The following PIK3C2G variants were observed in gnomAD, a reference collection of about 807,000 sequenced individuals.
PIK3C2G encodes the protein phosphatidylinositol-4-phosphate 3-kinase catalytic subunit type 2 gamma, also known as phosphatidylinositol 3-kinase C2 domain-containing subunit gamma.
In PIK3C2G, 168 loss-of-function variants were observed where a neutral mutation model predicts 181.1. That is an observed-to-expected ratio of 0.93 (90% confidence interval 0.82 to 1.05). The LOEUF is 1.05. Among genes scored for constraint, PIK3C2G ranks in the 50% least tolerant of loss-of-function variants. The pLI is 0.00. For synonymous variants in PIK3C2G, 573 were observed against 592.2 expected (o/e 0.97, Z 0.47); for missense variants, 1,869 against 1,732.8 (o/e 1.08, Z -1.40).
intron 1 of PIK3C2G, among the ~76,000 whole-genome samples, chr12:18,273,070 AG>A (rs1948813815): frequency 6.6e-6 from 1 of 152,120 alleles, no homozygotes; most frequent in Non-Finnish European, 1.5e-5. Context: ...AGAAAGAGAG[AG>A]ATGCTGGGGA....
the PIK3C2G span, chr12:18,683,290 A>G: frequency 6.2e-7 from 1 of 1,612,600 alleles, no homozygotes; most frequent in Non-Finnish European, 8.5e-7. Context: ...CAAGGCTCTC[A>G]CCCATTCTGG....
At chr12:18,580,161 A>T (rs1946426902) in intron 29 of PIK3C2G, among the ~76,000 whole-genome samples, 1 of 151,886 alleles carries the variant, frequency 6.6e-6, no homozygotes, top group Admixed American at 6.6e-5. Context: ...AGAGAGAGTA[A>T]TAGAAACATG....
intron 5 of PIK3C2G, among the ~76,000 whole-genome samples, chr12:18,303,100 C>CTCTTTCTTTCCT (rs1950247491): frequency 4.0e-5 from 3 of 75,068 alleles, no homozygotes; most frequent in Non-Finnish European, 7.6e-5. Flanking sequence ...TCTTTTCTTT[C>CTCTTTCTTTCCT]TCTTTCTTTC....
At chr12:18,556,711 C>T (rs907999706) in intron 26 of PIK3C2G, among the ~76,000 whole-genome samples, 25 of 152,042 alleles carry the variant, frequency 1.6e-4, no homozygotes, top group Admixed American at 1.3e-3. Flanking sequence ...TGCTATTATC[C>T]TCATGTCTTT....
At chr12:18,702,844 G>A in the PIK3C2G span, among the ~76,000 whole-genome samples, 25 of 114,062 alleles carry the variant, frequency 2.2e-4, no homozygotes, top group Admixed American at 6.5e-4. Context: ...TTTTTGAGAC[G>A]GAGTCTCACT....
intron 31 of PIK3C2G, among the ~76,000 whole-genome samples, chr12:18,619,994 G>A (rs1456160411): frequency 6.6e-6 from 1 of 152,066 alleles, no homozygotes; most frequent in Non-Finnish European, 1.5e-5. Context: ...AAAGTGCTGG[G>A]ATTACAGGCA....
intron 29 of PIK3C2G, among the ~76,000 whole-genome samples, chr12:18,573,585 T>G (rs1946083706): frequency 1.3e-5 from 2 of 152,182 alleles, no homozygotes; most frequent in Non-Finnish European, 2.9e-5. Flanking sequence ...TTTTTCATTA[T>G]CTTGTTGGCT....
intron 31 of PIK3C2G, among the ~76,000 whole-genome samples, chr12:18,620,812 G>A (rs1426933773): frequency 6.6e-6 from 1 of 151,836 alleles, no homozygotes; most frequent in African/African-American, 2.4e-5. Context: ...CTTAATCCTG[G>A]TTATTTAATC....
intron 11 of PIK3C2G, chr12:18,358,719 C>A: frequency 2.2e-6 from 1 of 448,564 alleles, no homozygotes; most frequent in East Asian, 5.7e-5. Flanking sequence ...GAGCTTCAGC[C>A]TTGATTCTCA....
chr12:18,250,889 C>T (rs375747570), intron 1 of PIK3C2G, among the ~76,000 whole-genome samples: 6 of 151,880 alleles, frequency 4.0e-5, no homozygotes, highest in East Asian at 1.9e-4. Flanking sequence ...TCAAAATATA[C>T]GTAAAATCAG....
At chr12:18,268,699 T>C (rs997071759) in intron 1 of PIK3C2G, among the ~76,000 whole-genome samples, 2 of 152,196 alleles carry the variant, frequency 1.3e-5, no homozygotes, top group Non-Finnish European at 2.9e-5. Flanking sequence ...AAACAGTGCG[T>C]ATTAGCCATA....
rs527352115 is a variant in PIK3C2G at position 18,343,343 on chromosome 12, C to T, written c.1412C>T (p.Ser471Leu). Reference sequence around the variant, plus strand: ...TTTTTTCAGAATTTTTATCAAAGTTCAGAGACTTCAGCAAAAGGTAAAACA... The same window carrying T: ...TTTTTTCAGAATTTTTATCAAAGTTTAGAGACTTCAGCAAAAGGTAAAACA... ...QRKGENFYQS[S>L]ETSAKGLIEK... The change falls in exon 10 of 33, where the codon TCA becomes TTA. Residue 471 changes from serine to leucine, a missense_variant. Transcript: ENST00000538779. 7.3e-7 allele frequency: 1 copy of T among 1,365,174 alleles called. No individual in the cohort carries two copies. The highest frequency in any genetic ancestry group is 1.5e-5 in the African/African-American group (1 of 68,526). The allele number at this position is 1,365,174 out of a possible 1,614,324, so 84.6% of individuals were successfully genotyped here.
At chr12:18,588,862 T>C (rs1592656925) in intron 29 of PIK3C2G, among the ~76,000 whole-genome samples, 1 of 151,924 alleles carries the variant, frequency 6.6e-6, no homozygotes, top group Non-Finnish European at 1.5e-5. Flanking sequence ...CAATGGCAGG[T>C]TGGATGAAGA....
chr12:18,658,225 A>G, the PIK3C2G span, among the ~76,000 whole-genome samples: 1 of 152,158 alleles, frequency 6.6e-6, no homozygotes, highest in Non-Finnish European at 1.5e-5. Context: ...TAACATTTGC[A>G]TATTAGGCAT....
At chr12:18,285,893 C>T (rs894570465) in intron 2 of PIK3C2G, among the ~76,000 whole-genome samples, 2 of 151,490 alleles carry the variant, frequency 1.3e-5, no homozygotes, top group African/African-American at 4.8e-5. Flanking sequence ...AAACAAAAGG[C>T]AGGAATTGAC....
Position 18,362,108 on chromosome 12 carries a change from C to T in PIK3C2G, c.1626-656C>T, listed in dbSNP as rs12314713. On this transcript the variant is annotated intron_variant, in intron 11 of 32. Coordinates refer to ENST00000538779, the MANE Select transcript of PIK3C2G (RefSeq NM_001288772.2). Reference sequence around the variant, plus strand: ...CTGGAATGTTGGACACACGAATCAACTCTTTTCCTACCCAAGGAGAAGCCA... The same window carrying T: ...CTGGAATGTTGGACACACGAATCAATTCTTTTCCTACCCAAGGAGAAGCCA... Among the ~76,000 whole-genome samples, 410 of 152,226 alleles carry T rather than the reference C, an allele frequency of 2.7e-3. 1 individual carries two copies. The highest frequency in any genetic ancestry group is 9.1e-3 in the African/African-American group (378 of 41,546).
chr12:18,407,547 T>C (rs1325679442), intron 16 of PIK3C2G, among the ~76,000 whole-genome samples: 1 of 152,126 alleles, frequency 6.6e-6, no homozygotes, highest in Non-Finnish European at 1.5e-5. Flanking sequence ...AAAAGAAACA[T>C]GATCTTTATT....
chr12:18,400,543 G>A (rs1410636552), intron 16 of PIK3C2G, among the ~76,000 whole-genome samples: 3 of 152,166 alleles, frequency 2.0e-5, no homozygotes, highest in Non-Finnish European at 4.4e-5. Flanking sequence ...GCAAAAAATT[G>A]TGAAACCCCG....
chr12:18,315,892 C>CGTGTGTGT lies in PIK3C2G; in HGVS notation c.1137+1851_1137+1858dup, dbSNP rs59803351. ...CAAAAATTCTAGCTTCATGCATCCA[C>CGTGTGTGT]GTGTGTGTGTGTGTGTGTGTGTGTG... On this transcript the variant is annotated intron_variant, in intron 6 of 32. Coordinates refer to ENST00000538779, the MANE Select transcript of PIK3C2G (RefSeq NM_001288772.2). Among the ~76,000 whole-genome samples, 1,004 of 147,560 alleles carry CGTGTGTGT rather than the reference C, an allele frequency of 6.8e-3. 8 individuals are homozygous for CGTGTGTGT. Among genetic ancestry groups the CGTGTGTGT allele is most frequent in the African/African-American group, 0.024 (952 of 40,174 alleles).
Sources: gnomAD v4.1 joint callset for allele counts (sites outside exome capture counted in the v4.1 genomes callset) on GRCh38, gnomAD v4.1.1 for gene constraint, MANE v1.5 for transcripts, NCBI Gene and HGNC (gene_info 2026-07-23, HGNC 2026-07-21) for gene names.